DCUN1D5: variants seen among roughly 807,000 people sequenced by gnomAD.
DCUN1D5 encodes defective in cullin neddylation 1 domain containing 5, also known as DCN1-like protein 5.
In DCUN1D5, 10 loss-of-function variants were observed where a neutral mutation model predicts 38.3. The observed-to-expected ratio is 0.26, with a 90% confidence interval of 0.16 to 0.44. DCUN1D5 has a LOEUF of 0.44. Ranked by LOEUF, DCUN1D5 falls within the 20% of genes least tolerant of loss-of-function variation. DCUN1D5 has a pLI of 1.00. For synonymous variants in DCUN1D5, 93 were observed against 90.9 expected (o/e 1.02, Z -0.13); for missense variants, 148 against 275.3 (o/e 0.54, Z 3.27).
chr11:103,085,038 A>T (rs976530483), intron 2 of DCUN1D5, among the ~76,000 whole-genome samples: 5 of 152,202 alleles, frequency 3.3e-5, no homozygotes, highest in Admixed American at 3.3e-4. Flanking sequence ...TTTTTTTAAA[A>T]GCCACGATGT....
chr11:103,082,799 C>T lies in DCUN1D5; in HGVS notation c.290G>A (p.Ser97Asn), dbSNP rs766671755. ...LVLAWKLEAE[S>N]MGFFTKEEWL... ...TTCTTCCTTGGTAAAAAATCCCATGCTTTCAGCCTCCAATTTCCACGCTAA... is the reference window on the plus strand; with the variant it reads ...TTCTTCCTTGGTAAAAAATCCCATGTTTTCAGCCTCCAATTTCCACGCTAA... Residue 97 changes from serine (S) to asparagine (N), a missense_variant, in exon 4 of 8, where the codon AGC becomes AAC. Transcript: ENST00000260247. The T allele has an allele frequency of 6.8e-6, 11 of 1,613,116 alleles. No homozygotes were observed. Among genetic ancestry groups the T allele is most frequent in the African/African-American group, 1.3e-5 (1 of 74,998 alleles).
chr11:103,081,644 A>T (rs1327458166), intron 4 of DCUN1D5, among the ~76,000 whole-genome samples: 2 of 152,160 alleles, frequency 1.3e-5, no homozygotes, highest in African/African-American at 4.8e-5. Flanking sequence ...AACTGTGCCA[A>T]ATATTTTCGT....
intron 2 of DCUN1D5, among the ~76,000 whole-genome samples, chr11:103,088,433 A>G (rs1862769201): frequency 6.6e-6 from 1 of 152,212 alleles, no homozygotes; most frequent in Non-Finnish European, 1.5e-5. Context: ...AGATAGTATA[A>G]GTGTTCTTTT....
rs764276661 is a variant in DCUN1D5 at position 103,091,023 on chromosome 11, T to A, written c.86+764A>T. 5.3e-5 allele frequency among the ~76,000 whole-genome samples: 8 copies of A among 152,184 alleles called. No homozygotes were observed. The highest frequency in any genetic ancestry group is 7.2e-5 in the African/African-American group (3 of 41,454). The stretch of plus-strand genomic sequence containing the variant: ...GCCTCCATGATATGCTACAAGGGGA[T>A]CAAAGAGCTACTACTATATAGTTCT... On this transcript the variant is annotated intron_variant, in intron 1 of 7. Transcript: ENST00000260247. The surrounding 1 kb of genome is among the most constrained non-coding windows in gnomAD (Gnocchi z 4.3).
rs534060821 is a variant in DCUN1D5, at chr11:103,092,098, G to A, written c.-226C>T. Reference sequence around the variant, plus strand: ...CTGGCTCCTCGCCGGTGGACACTGCGGTTCGTTCTCACCGGGAGGAGATAA... The same window carrying A: ...CTGGCTCCTCGCCGGTGGACACTGCAGTTCGTTCTCACCGGGAGGAGATAA... On this transcript the variant is annotated 5_prime_UTR_variant, in exon 1 of 8. Coordinates refer to ENST00000260247, the MANE Select transcript of DCUN1D5 (RefSeq NM_032299.4). The A allele has an allele frequency of 3.8e-6, 2 of 525,080 alleles. No individual in the cohort carries two copies. The highest frequency in any genetic ancestry group is 3.4e-6 in the Non-Finnish European group (1 of 297,322). 32.5% of individuals were successfully genotyped at this position (525,080 alleles called of 1,614,324 possible). A position where few individuals can be genotyped will look rare whatever the true frequency, so the allele number is the denominator to read the frequency against.
In DCUN1D5 at chr11:103,077,396, G is replaced by A. The variant is rs1359876340; in HGVS notation, c.341+5352C>T. ...GTTTAGAAAAAAGAATATTTCCTCC[G>A]AAATAAAAAGAAATGCATACTTAAC... On this transcript the variant is annotated intron_variant, in intron 4 of 7. Coordinates refer to ENST00000260247, the MANE Select transcript of DCUN1D5 (RefSeq NM_032299.4). This position sits in a 1 kb window ranked among gnomAD's most constrained non-coding sequence, Gnocchi z 4.3. Among the ~76,000 whole-genome samples, 3 of 152,072 alleles carry A rather than the reference G, an allele frequency of 2.0e-5. No individual in the cohort carries two copies. Among genetic ancestry groups the A allele is most frequent in the East Asian group, 1.9e-4 (1 of 5,174 alleles).
Position 103,071,571 on chromosome 11 carries a change from AATCTAT to A in DCUN1D5, c.342-5010_342-5005del, listed in dbSNP as rs1286144524. The stretch of plus-strand genomic sequence containing the variant: ...TATATCTATTGATTTATATAGATAT[AATCTAT>A]ATCTATGTAAATATTTTATATAGAG... On this transcript the variant is annotated intron_variant, in intron 4 of 7. Transcript: ENST00000260247. This position sits in a 1 kb window ranked among gnomAD's most constrained non-coding sequence, Gnocchi z 4.1. Among the ~76,000 whole-genome samples, 1 of 149,860 alleles carries A rather than the reference AATCTAT, an allele frequency of 6.7e-6. No homozygotes were observed. The highest frequency in any genetic ancestry group is 1.5e-5 in the Non-Finnish European group (1 of 67,494).
rs1417558055 is a variant in DCUN1D5 at position 103,062,487 on chromosome 11, G to A, written c.659-73C>T. 9 of 1,324,576 alleles carry A rather than the reference G, an allele frequency of 6.8e-6. No homozygotes were observed. Among genetic ancestry groups the A allele is most frequent in the South Asian group, 2.5e-5 (2 of 81,204 alleles). The allele number at this position is 1,324,576 out of a possible 1,614,324, so 82.1% of individuals were successfully genotyped here. ...TCCAATTATAAAACAAACTCCCCAC[G>A]AGCTCTGCAATGACAGAGGAATGAC... On this transcript the variant is annotated intron_variant, in intron 7 of 7. Coordinates refer to ENST00000260247, the MANE Select transcript of DCUN1D5 (RefSeq NM_032299.4). The surrounding 1 kb of genome is among the most constrained non-coding windows in gnomAD (Gnocchi z 4.6).
chr11:103,080,555 T>C (rs1862533992), intron 4 of DCUN1D5, among the ~76,000 whole-genome samples: 1 of 152,344 alleles, frequency 6.6e-6, no homozygotes, highest in Non-Finnish European at 1.5e-5. Flanking sequence ...ACTTCAAGCA[T>C]TCCTCAGTAG....
chr11:103,089,063 T>C lies in DCUN1D5; in HGVS notation c.178+164A>G, dbSNP rs934689233. On this transcript the variant is annotated intron_variant, in intron 2 of 7. Coordinates refer to ENST00000260247, the MANE Select transcript of DCUN1D5 (RefSeq NM_032299.4). The stretch of plus-strand genomic sequence containing the variant: ...ATATTTAAAGAAATATCAGCCTAAA[T>C]TGGCAACAAATTTTTAGTCTACCCA... Among the ~76,000 whole-genome samples the C allele has an allele frequency of 2.6e-5, 4 of 152,200 alleles. No individual in the cohort carries two copies. The South Asian group carries it at 6.2e-4, about 24-fold the overall frequency.
Position 103,056,817 on chromosome 11 carries a change from G to T in DCUN1D5, c.*5542C>A, listed in dbSNP as rs1359633144. Reference sequence around the variant, plus strand: ...TCTTTTTATAAAAGACAGTAAATTTGTCAGAAAAAAATAAACTATCATAAC... The same window carrying T: ...TCTTTTTATAAAAGACAGTAAATTTTTCAGAAAAAAATAAACTATCATAAC... On this transcript the variant is annotated 3_prime_UTR_variant, in exon 8 of 8. Coordinates refer to ENST00000260247, the MANE Select transcript of DCUN1D5 (RefSeq NM_032299.4). This position sits in a 1 kb window ranked among gnomAD's most constrained non-coding sequence, Gnocchi z 4.9. 6.6e-6 allele frequency among the ~76,000 whole-genome samples: 1 copy of T among 152,112 alleles called. No individual in the cohort carries two copies. Among genetic ancestry groups the T allele is most frequent in the Non-Finnish European group, 1.5e-5 (1 of 68,004 alleles).
At position 103,089,261 on chromosome 11, in the gene DCUN1D5, G is replaced by C. The variant is rs781156240; in HGVS notation, c.144C>G (p.Ser48Arg). ...RLISGEEHFS[S>R]KKCLAWFYEY... ...CATAAAACCAAGCCAGGCACTTCTTGCTTGAAAAATGTTCCTCTCCACTTA... is the reference window on the plus strand; with the variant it reads ...CATAAAACCAAGCCAGGCACTTCTTCCTTGAAAAATGTTCCTCTCCACTTA... The change falls in exon 2 of 8, where the codon AGC becomes AGG. Residue 48 changes from serine to arginine, a missense_variant. Physicochemically the swap from Ser to Arg is moderately radical, Grantham distance 110. Transcript: ENST00000260247. The C allele has an allele frequency of 6.2e-7, 1 of 1,613,512 alleles. No homozygotes were observed. The highest frequency in any genetic ancestry group is 8.5e-7 in the Non-Finnish European group (1 of 1,179,670).
At position 103,056,516 on chromosome 11, in the gene DCUN1D5, TCA is replaced by T. The variant is rs1018054487; in HGVS notation, c.*5841_*5842del. Among the ~76,000 whole-genome samples, 4 of 152,156 alleles carry T rather than the reference TCA, an allele frequency of 2.6e-5. No individual in the cohort carries two copies. Among genetic ancestry groups the T allele is most frequent in the Non-Finnish European group, 5.9e-5 (4 of 68,022 alleles). ...ATGCTACTTAATAGTAATCCTATCC[TCA>T]CACACTCTCTGGGCCCCTTCCTCAA... On this transcript the variant is annotated 3_prime_UTR_variant, in exon 8 of 8. Transcript: ENST00000260247. The surrounding 1 kb of genome is among the most constrained non-coding windows in gnomAD (Gnocchi z 4.9).
chr11:103,062,440 C>G lies in DCUN1D5; in HGVS notation c.659-26G>C, dbSNP rs1862037133. The G allele has an allele frequency of 6.2e-7, 1 of 1,606,614 alleles. No homozygotes were observed. The highest frequency in any genetic ancestry group is 2.2e-5 in the East Asian group (1 of 44,816). On this transcript the variant is annotated intron_variant, in intron 7 of 7. Coordinates refer to ENST00000260247, the MANE Select transcript of DCUN1D5 (RefSeq NM_032299.4). The surrounding 1 kb of genome is among the most constrained non-coding windows in gnomAD (Gnocchi z 4.6). ...CTAGAAAAAAAGAAACCATTTTTGT[C>G]AGAATTCAGTGAACTCATCTCTCCA...
rs972124869 is a variant in DCUN1D5 at position 103,054,967 on chromosome 11, C to T, written c.*7392G>A. On this transcript the variant is annotated 3_prime_UTR_variant, in exon 8 of 8. Coordinates refer to ENST00000260247, the MANE Select transcript of DCUN1D5 (RefSeq NM_032299.4). ...TAGGTGCAGGTTGAATATCTCTTAT[C>T]CAAAATGCTTGGGACCGGAAGTGTT... 6.6e-6 allele frequency: 1 copy of T among 152,054 alleles called. No individual in the cohort carries two copies. Among genetic ancestry groups the T allele is most frequent in the Non-Finnish European group, 1.5e-5 (1 of 67,986 alleles). 9.4% of individuals were successfully genotyped at this position (152,054 alleles called of 1,614,324 possible). A position where few individuals can be genotyped will look rare whatever the true frequency, so the allele number is the denominator to read the frequency against.
At position 103,051,612 on chromosome 11, in the gene DCUN1D5, TAAAC is replaced by T. The variant is rs748471961; in HGVS notation, c.*10743_*10746del. On this transcript the variant is annotated 3_prime_UTR_variant, in exon 8 of 8. Transcript: ENST00000260247. Reference sequence around the variant, plus strand: ...GTCAATATCATTTATTCTTTGTCATTAAACAAATATTTGGAACCCACTACATTCA... The same window carrying T: ...GTCAATATCATTTATTCTTTGTCATTAAATATTTGGAACCCACTACATTCA... 2.6e-5 allele frequency: 4 copies of T among 152,140 alleles called. No homozygotes were observed. The highest frequency in any genetic ancestry group is 4.4e-5 in the Non-Finnish European group (3 of 68,008). The allele number at this position is 152,140 out of a possible 1,614,324, so 9.4% of individuals were successfully genotyped here. A position where few individuals can be genotyped will look rare whatever the true frequency, so the allele number is the denominator to read the frequency against.
In DCUN1D5 at chr11:103,065,471, G is replaced by A. The variant is rs1862112948; in HGVS notation, c.555+798C>T. 6.6e-6 allele frequency among the ~76,000 whole-genome samples: 1 copy of A among 152,042 alleles called. No homozygotes were observed. Among genetic ancestry groups the A allele is most frequent in the African/African-American group, 2.4e-5 (1 of 41,402 alleles). On this transcript the variant is annotated intron_variant, in intron 6 of 7. Coordinates refer to ENST00000260247, the MANE Select transcript of DCUN1D5 (RefSeq NM_032299.4). This position sits in a 1 kb window ranked among gnomAD's most constrained non-coding sequence, Gnocchi z 4.6. ...CACGCCCAGCTGATATCACTGTCTT[G>A]TATCACAACTTTTACTACTCTGGGA...
Position 103,056,276 on chromosome 11 carries a change from C to T in DCUN1D5, c.*6083G>A, listed in dbSNP as rs1861870675. Among the ~76,000 whole-genome samples, 1 of 152,080 alleles carries T rather than the reference C, an allele frequency of 6.6e-6. No individual in the cohort carries two copies. ...CTACAATCAGGCAGGATTATTACTC[C>T]CAATCTCTCTCAGTTCATTTTCTAA... On this transcript the variant is annotated 3_prime_UTR_variant, in exon 8 of 8. Transcript: ENST00000260247. The surrounding 1 kb of genome is among the most constrained non-coding windows in gnomAD (Gnocchi z 4.9).
Position 103,091,544 on chromosome 11 carries a change from C to A in DCUN1D5, c.86+243G>T. ...TGCATCTGTTCCCCACCCTGCAGGG[C>A]ACGTAGACTCTTAACGTGGGCGGCT... On this transcript the variant is annotated intron_variant, in intron 1 of 7. Transcript: ENST00000260247. This position sits in a 1 kb window ranked among gnomAD's most constrained non-coding sequence, Gnocchi z 4.3. The A allele has an allele frequency of 1.8e-6, 1 of 566,566 alleles. No individual in the cohort carries two copies. Among genetic ancestry groups the A allele is most frequent in the Non-Finnish European group, 3.1e-6 (1 of 319,958 alleles). 35.1% of individuals were successfully genotyped at this position (566,566 alleles called of 1,614,324 possible). A position where few individuals can be genotyped will look rare whatever the true frequency, so the allele number is the denominator to read the frequency against.
Sources: allele counts gnomAD v4.1 joint callset (sites outside exome capture counted in the v4.1 genomes callset), GRCh38; gene constraint gnomAD v4.1.1; non-coding constraint Gnocchi (gnomAD v3.1); transcripts MANE v1.5; gene names NCBI Gene and HGNC (gene_info 2026-07-23, HGNC 2026-07-21).